The following NLRP14 variants were observed in gnomAD, a reference collection of about 807,000 sequenced individuals.
NLRP14 encodes NLR family pyrin domain containing 14.
NLRP14 carries 105 observed loss-of-function variants against 94.7 expected under a neutral mutation model. The observed-to-expected ratio is 1.11, with a 90% CI of 0.95 to 1.30. The LOEUF (loss-of-function observed/expected upper bound fraction) is 1.30, where lower values mean the gene tolerates loss of function less well. NLRP14 is among the 50% of genes most tolerant of loss of function. The pLI, the probability that NLRP14 is intolerant of heterozygous loss-of-function variation, is 0.00. For missense variants in NLRP14, 1,362 were observed against 1,254.1 expected (o/e 1.09, Z -1.30); for synonymous variants, 508 against 459.9 (o/e 1.10, Z -1.34).
chr11:7,042,345 G>A, intron 3 of NLRP14, 43 bp from the exon 4 acceptor site: 20 of 1,541,856 alleles, frequency 1.3e-5, no homozygotes, highest in Non-Finnish European at 1.8e-5. Flanking sequence ...TTTTGATCAT[G>A]TGTCTTTGTT....
intron 6 of NLRP14, among the ~76,000 whole-genome samples, chr11:7,055,955 C>G (rs983021001): frequency 6.6e-6 from 1 of 151,956 alleles, no homozygotes; most frequent in African/African-American, 2.4e-5. Context: ...AAGTGATAAG[C>G]TAATCTGTCT....
intron 10 of NLRP14, among the ~76,000 whole-genome samples, chr11:7,067,827 G>T (rs961407330): frequency 2.6e-5 from 4 of 152,058 alleles, no homozygotes; most frequent in African/African-American, 7.2e-5. Context: ...GTTCAGGAGT[G>T]TTTCTTATCT....
intron 1 of NLRP14, among the ~76,000 whole-genome samples, chr11:7,022,985 C>T (rs1851967252): frequency 6.6e-6 from 1 of 151,970 alleles, no homozygotes; most frequent in South Asian, 2.1e-4. Context: ...ACAATAGAAA[C>T]AAATTCATGG....
At chr11:7,040,147 T>C (rs1336763493) in intron 3 of NLRP14, among the ~76,000 whole-genome samples, 2 of 152,156 alleles carry the variant, frequency 1.3e-5, no homozygotes, top group South Asian at 2.1e-4. Flanking sequence ...ATTCTAGGAG[T>C]GGTGACCAAC....
the NLRP14 span, among the ~76,000 whole-genome samples, chr11:7,088,099 T>C: frequency 2.0e-5 from 3 of 152,288 alleles, no homozygotes; most frequent in East Asian, 1.9e-4. Context: ...AAAGGGAAGA[T>C]TTAAATATCA....
chr11:7,069,976 T>G (rs2055016), intron 10 of NLRP14, among the ~76,000 whole-genome samples: 1 of 152,182 alleles, frequency 6.6e-6, no homozygotes, highest in Admixed American at 6.5e-5. Context: ...TATCTAGTTA[T>G]AGTGATGTAT....
At chr11:7,072,533 A>G (rs947347799), downstream of NLRP14, among the ~76,000 whole-genome samples, 1 of 152,102 alleles carries the variant, frequency 6.6e-6, no homozygotes, top group Admixed American at 6.5e-5. Flanking sequence ...TTATACATTG[A>G]CTCATCTTCC....
At chr11:7,066,662 G>C (rs1332466452) in intron 10 of NLRP14, among the ~76,000 whole-genome samples, 1 of 152,138 alleles carries the variant, frequency 6.6e-6, no homozygotes, top group Non-Finnish European at 1.5e-5. Flanking sequence ...TCTGATGACA[G>C]TTTCTTTTGC....
At chr11:7,083,172 T>G in the NLRP14 span, among the ~76,000 whole-genome samples, 116 of 152,346 alleles carry the variant, frequency 7.6e-4, no homozygotes, top group African/African-American at 2.7e-3. Flanking sequence ...AAACCAGGAA[T>G]CTATCTAGGA....
At position 7,042,733 on chromosome 11, in the gene NLRP14, A is replaced by T. The variant is rs1852279073; in HGVS notation, c.707A>T (p.Asp236Val). Reference protein sequence around the residue: ...ERSFAQLISKDWPSTEGPIEE... With the variant: ...ERSFAQLISKVWPSTEGPIEE... ...AGCTTTGCTCAATTGATATCAAAGG[A>T]CTGGCCCAGCACAGAAGGCCCCATT... Residue 236 changes from aspartate (D) to valine (V), a missense_variant, in exon 4 of 12, where the codon GAC becomes GTC. Transcript: ENST00000299481. 6.2e-7 allele frequency: 1 copy of T among 1,614,230 alleles called. No individual in the cohort carries two copies. Among genetic ancestry groups the T allele is most frequent in the Admixed American group, 1.7e-5 (1 of 60,036 alleles).
chr11:7,064,718 T>A (rs920345707), intron 10 of NLRP14, among the ~76,000 whole-genome samples: 1 of 152,164 alleles, frequency 6.6e-6, no homozygotes, highest in Non-Finnish European at 1.5e-5. Context: ...CAATTCTATA[T>A]TATCTGAATA....
At position 7,039,774 on chromosome 11, in the gene NLRP14, A is replaced by C. The variant is rs988223648; in HGVS notation, c.350A>C (p.Glu117Ala). Residue 117 changes from glutamate (E) to alanine (A), a missense_variant, in exon 3 of 12, where the codon GAG (glutamate) becomes GCG (alanine). By Grantham distance (107) the Glu-to-Ala change is moderately radical (BLOSUM62 -1). Transcript: ENST00000299481. ...GCTGGAGAGACACAAGAAGATCAGGAGGCAGTGCTGGGTGAGTAGTTAGGC... is the reference window on the plus strand; with the variant it reads ...GCTGGAGAGACACAAGAAGATCAGGCGGCAGTGCTGGGTGAGTAGTTAGGC... ...AKAGETQEDQ[E>A]AVLGDGTEYR... 7.4e-6 allele frequency: 12 copies of C among 1,613,504 alleles called. No individual in the cohort carries two copies. The highest frequency in any genetic ancestry group is 1.0e-5 in the Non-Finnish European group (12 of 1,179,514).
At chr11:7,047,441 T>C (rs751319329) in intron 5 of NLRP14, among the ~76,000 whole-genome samples, 2 of 151,956 alleles carry the variant, frequency 1.3e-5, no homozygotes, top group African/African-American at 2.4e-5. Context: ...GTAGCTGGGA[T>C]TACAGGCATG....
At chr11:7,024,991 GAA>G (rs1215410022) in intron 1 of NLRP14, among the ~76,000 whole-genome samples, 7 of 152,014 alleles carry the variant, frequency 4.6e-5, no homozygotes, top group Non-Finnish European at 1.5e-5. Flanking sequence ...TAGAAAAAAA[GAA>G]AGAGGAGTTT....
rs1374017099 is a variant in NLRP14 at position 7,038,553 on chromosome 11, T to C, written c.-21-13T>C. On this transcript the variant is annotated splice_polypyrimidine_tract_variant and intron_variant, in intron 1 of 11. Transcript: ENST00000299481. ...ATTCCATGTGCTTTTGGTTATTTTTTTTCCCCCCACAGAGGCCTGAATATT... is the reference window on the plus strand; with the variant it reads ...ATTCCATGTGCTTTTGGTTATTTTTCTTCCCCCCACAGAGGCCTGAATATT... 1 of 1,606,848 alleles carries C rather than the reference T, an allele frequency of 6.2e-7. No individual in the cohort carries two copies. The highest frequency in any genetic ancestry group is 1.1e-5 in the South Asian group (1 of 90,704).
At chr11:7,064,154 G>C (rs1285359228) in intron 10 of NLRP14, among the ~76,000 whole-genome samples, 1 of 152,110 alleles carries the variant, frequency 6.6e-6, no homozygotes, top group African/African-American at 2.4e-5. Flanking sequence ...ATAGTCCAAG[G>C]CTGTTCTAGC....
chr11:7,043,901 C>G lies in NLRP14; in HGVS notation c.1875C>G (p.Cys625Trp). The change falls in exon 4 of 12, where the codon TGC (cysteine) becomes TGG (tryptophan). Residue 625 changes from cysteine (C) to tryptophan (W), a missense_variant. Coordinates refer to ENST00000299481, the MANE Select transcript of NLRP14 (RefSeq NM_176822.4). ...TATCTTCTTTCTGCCTTAAGCACTG[C>G]CGGTGTTTGCGGACCATCAGGCTGT... is the stretch of plus-strand genomic sequence containing the variant. ...LLVSSFCLKH[C>W]RCLRTIRLSV... The G allele has an allele frequency of 6.2e-7, 1 of 1,614,018 alleles. No homozygotes were observed.
chr11:7,069,467 C>G (rs1355223520), intron 10 of NLRP14, among the ~76,000 whole-genome samples: 1 of 152,176 alleles, frequency 6.6e-6, no homozygotes, highest in African/African-American at 2.4e-5. Flanking sequence ...TGCAGAGGCC[C>G]TTGGCTGACA....
chr11:7,080,002 T>C, the NLRP14 span, among the ~76,000 whole-genome samples: 2 of 152,038 alleles, frequency 1.3e-5, no homozygotes, highest in African/African-American at 4.8e-5. Context: ...GCTGTATAGA[T>C]AAGGACTGGC....
Sources: gnomAD v4.1 joint callset for allele counts (sites outside exome capture counted in the v4.1 genomes callset) on GRCh38, gnomAD v4.1.1 for gene constraint, MANE v1.5 for transcripts, NCBI Gene and HGNC (gene_info 2026-07-23, HGNC 2026-07-21) for gene names.